TAF3: variants seen among roughly 807,000 people sequenced by gnomAD.
TAF3 encodes transcription initiation factor TFIID subunit 3.
A neutral mutation model predicts 80.6 loss-of-function variants in TAF3; 7 were observed. The observed-to-expected ratio is 0.09, with a 90% CI of 0.05 to 0.16. The LOEUF is 0.16. Ranked by LOEUF, TAF3 falls within the 10% of genes least tolerant of loss-of-function variation. The probability of loss-of-function intolerance (pLI) is 1.00; values close to 1 mark genes in which losing one functional copy is unlikely to be tolerated. For synonymous variants in TAF3, 444 were observed against 446.1 expected (o/e 1.00, Z 0.06); for missense variants, 921 against 1,140.2 (o/e 0.81, Z 2.77).
intron 1 of TAF3, among the ~76,000 whole-genome samples, chr10:7,820,697 A>G (rs998669698): frequency 2.6e-5 from 4 of 151,954 alleles, no homozygotes; most frequent in African/African-American, 4.8e-5. Context: ...GTCTGGTTAT[A>G]TTGCTCAGGC....
intron 2 of TAF3, among the ~76,000 whole-genome samples, chr10:7,899,789 T>C (rs1489126251): frequency 6.6e-6 from 1 of 152,242 alleles, no homozygotes; most frequent in Non-Finnish European, 1.5e-5. Context: ...CTCTATAGTA[T>C]GTTGTAAAAA....
At chr10:7,942,038 A>G (rs1837981428) in intron 2 of TAF3, among the ~76,000 whole-genome samples, 1 of 152,138 alleles carries the variant, frequency 6.6e-6, no homozygotes. Context: ...TTTTTGCTTC[A>G]CAAGTGGGGT....
At chr10:7,850,396 C>T (rs1356338943) in intron 2 of TAF3, among the ~76,000 whole-genome samples, 1 of 152,176 alleles carries the variant, frequency 6.6e-6, no homozygotes, top group Non-Finnish European at 1.5e-5. Flanking sequence ...CTATTTAAGG[C>T]TGGGAGCAGT....
At chr10:8,004,021 T>C (rs1831969785) in intron 4 of TAF3, among the ~76,000 whole-genome samples, 1 of 152,176 alleles carries the variant, frequency 6.6e-6, no homozygotes, top group Non-Finnish European at 1.5e-5. Flanking sequence ...TACTAAATAT[T>C]TTTAAACTTT....
At chr10:7,903,612 C>T (rs552811374) in intron 2 of TAF3, among the ~76,000 whole-genome samples, 14 of 152,294 alleles carry the variant, frequency 9.2e-5, no homozygotes, top group Admixed American at 3.3e-4. Flanking sequence ...TTTGGAATTG[C>T]TTAGCTGATG....
At chr10:7,903,695 G>T (rs938932627) in intron 2 of TAF3, among the ~76,000 whole-genome samples, 1 of 152,166 alleles carries the variant, frequency 6.6e-6, no homozygotes, top group Admixed American at 6.5e-5. Flanking sequence ...ACAGTTAAAG[G>T]AAAGATCAAA....
chr10:7,985,780 C>CTTTTTTT (rs71477297), intron 4 of TAF3, among the ~76,000 whole-genome samples: 1 of 107,952 alleles, frequency 9.3e-6, no homozygotes, highest in African/African-American at 3.4e-5. Context: ...TTCTCTCTCT[C>CTTTTTTT]TTTTTTTTTT....
chr10:7,819,213 C>G (rs1836664555), intron 1 of TAF3, among the ~76,000 whole-genome samples: 1 of 152,016 alleles, frequency 6.6e-6, no homozygotes, highest in East Asian at 1.9e-4. Context: ...CCCAGCGTGC[C>G]CTACACCCTC....
chr10:7,883,358 A>G (rs1012716356), intron 2 of TAF3, among the ~76,000 whole-genome samples: 2 of 152,152 alleles, frequency 1.3e-5, no homozygotes, highest in Non-Finnish European at 2.9e-5. Flanking sequence ...CAGGGTGATT[A>G]TTTTCATCAG....
At chr10:7,872,689 A>G (rs925775168) in intron 2 of TAF3, among the ~76,000 whole-genome samples, 7 of 152,242 alleles carry the variant, frequency 4.6e-5, no homozygotes, top group African/African-American at 7.2e-5. Context: ...GCATTAGTGT[A>G]CTGCTTAAGA....
chr10:7,887,127 C>A (rs1302635594), intron 2 of TAF3, among the ~76,000 whole-genome samples: 1 of 151,224 alleles, frequency 6.6e-6, no homozygotes, highest in South Asian at 2.1e-4. Context: ...CCCAGCTACT[C>A]GGGAGACAGG....
chr10:7,831,017 G>A (rs1836794693), intron 2 of TAF3, among the ~76,000 whole-genome samples: 2 of 152,186 alleles, frequency 1.3e-5, no homozygotes, highest in South Asian at 4.1e-4. Context: ...TTTCACTTTT[G>A]TTGGTGTTAG....
At chr10:7,831,173 A>T (rs1322386714) in intron 2 of TAF3, among the ~76,000 whole-genome samples, 2 of 152,160 alleles carry the variant, frequency 1.3e-5, no homozygotes, top group African/African-American at 2.4e-5. Context: ...TAGTAACTTA[A>T]TGGCATAGTT....
intron 3 of TAF3, 140 bp downstream of exon 3, chr10:7,965,882 A>G (rs1370815628): frequency 2.3e-6 from 3 of 1,305,388 alleles, no homozygotes; most frequent in East Asian, 2.7e-5. Context: ...ATGAGGTTAC[A>G]AAATTTGATT....
rs554445485 is a variant in TAF3 at position 7,963,225 on chromosome 10, C to G, written c.410-695C>G. Among the ~76,000 whole-genome samples the G allele has an allele frequency of 4.1e-4, 62 of 152,298 alleles. 1 individual carries two copies. In the East Asian group the frequency reaches 0.011, roughly 27 times the overall value. ...TTCCTGATAATAATAATAATCCATA[C>G]TAAGTCCTATAATAATCCATCTCTT... On this transcript the variant is annotated intron_variant, in intron 2 of 6. Coordinates refer to ENST00000344293, the MANE Select transcript of TAF3 (RefSeq NM_031923.4).
intron 2 of TAF3, among the ~76,000 whole-genome samples, chr10:7,941,109 G>T (rs1837972030): frequency 6.6e-6 from 1 of 152,236 alleles, no homozygotes; most frequent in East Asian, 1.9e-4. Flanking sequence ...AACATAGAGA[G>T]CCACAAATAT....
intron 3 of TAF3, among the ~76,000 whole-genome samples, chr10:7,966,640 A>G (rs907631168): frequency 6.6e-6 from 1 of 152,152 alleles, no homozygotes; most frequent in Admixed American, 6.5e-5. Flanking sequence ...CCTGCCCTCT[A>G]AAAGTTATCT....
At chr10:7,932,669 A>ATTTTTT (rs34907761) in intron 2 of TAF3, among the ~76,000 whole-genome samples, 9 of 78,818 alleles carry the variant, frequency 1.1e-4, no homozygotes, top group African/African-American at 2.9e-4. Context: ...GTTCCACTTA[A>ATTTTTT]TTTTTTTTTT....
chr10:7,986,610 G>T (rs1376629613), intron 4 of TAF3, among the ~76,000 whole-genome samples: 1 of 152,154 alleles, frequency 6.6e-6, no homozygotes, highest in Non-Finnish European at 1.5e-5. Flanking sequence ...TGTCCTAGAA[G>T]TCTCCTTTGA....
Sources: gnomAD v4.1 joint callset for allele counts (sites outside exome capture counted in the v4.1 genomes callset) on GRCh38, gnomAD v4.1.1 for gene constraint, MANE v1.5 for transcripts, NCBI Gene and HGNC (gene_info 2026-07-23, HGNC 2026-07-21) for gene names.